GSE1: variants seen among roughly 807,000 people sequenced by gnomAD.
GSE1 encodes the protein Gse1 coiled-coil protein.
In GSE1, 32 loss-of-function variants were observed where a neutral mutation model predicts 112.6. The observed-to-expected ratio is 0.28, with a 90% CI of 0.21 to 0.38. GSE1 has a LOEUF of 0.38. Ranked by LOEUF, GSE1 falls within the 10% of genes least tolerant of loss-of-function variation. The pLI is 1.00. For missense variants in GSE1, 2,348 were observed against 1,699.2 expected, an observed-to-expected ratio of 1.38 and a Z score of -6.71; for synonymous variants, 1,115 against 735.6, an observed-to-expected ratio of 1.52 and a Z score of -8.35.
intron 1 of GSE1, among the ~76,000 whole-genome samples, chr16:85,268,897 T>C (rs1217694767): frequency 2.4e-5 from 3 of 125,902 alleles, no homozygotes; most frequent in Non-Finnish European, 5.9e-5. Flanking sequence ...GACCCATTTC[T>C]ACTTGAGGGG....
rs117580131 is a variant in GSE1, at chr16:85,618,312, C to T, written c.7+4914C>T. On this transcript the variant is annotated intron_variant, in intron 1 of 15. Coordinates refer to ENST00000253458, the MANE Select transcript of GSE1 (RefSeq NM_014615.5). ...TCTGTAAGACGAGGATGCAGAGGCC[C>T]TCTGGCAGTTGAGGGTGAGGATGAG... Among the ~76,000 whole-genome samples, 44 of 152,290 alleles carry T rather than the reference C, an allele frequency of 2.9e-4. No homozygotes were observed. In the East Asian group the frequency reaches 7.2e-3, roughly 25 times the overall value.
intron 1 of GSE1, among the ~76,000 whole-genome samples, chr16:85,230,418 C>G (rs578204776): frequency 6.6e-6 from 1 of 152,230 alleles, no homozygotes; most frequent in East Asian, 1.9e-4. Context: ...TGACGCAAAC[C>G]CAACTCAGAC....
chr16:85,673,266 G>C lies in GSE1; in HGVS notation c.*727G>C, dbSNP rs367964830. The C allele has an allele frequency of 2.0e-5, 3 of 152,582 alleles. No individual in the cohort carries two copies. Among genetic ancestry groups the C allele is most frequent in the Non-Finnish European group, 2.9e-5 (2 of 68,008 alleles). The allele number at this position is 152,582 out of a possible 1,614,324, so 9.5% of individuals were successfully genotyped here. ...ACCAGATTGTTACTACAGTGGGTTGGGTTTTCATACAGACGTAAATTTTGA... is the reference window on the plus strand; with the variant it reads ...ACCAGATTGTTACTACAGTGGGTTGCGTTTTCATACAGACGTAAATTTTGA... On this transcript the variant is annotated 3_prime_UTR_variant, in exon 16 of 16. Transcript: ENST00000253458.
chr16:85,659,983 C>A (rs538530167), intron 8 of GSE1, among the ~76,000 whole-genome samples: 12 of 152,346 alleles, frequency 7.9e-5, no homozygotes, highest in African/African-American at 2.9e-4. Flanking sequence ...ATCTTCATTT[C>A]ACAGTGGGTT....
At chr16:85,329,276 G>C (rs1443621007) in intron 1 of GSE1, among the ~76,000 whole-genome samples, 1 of 152,194 alleles carries the variant, frequency 6.6e-6, no homozygotes, top group African/African-American at 2.4e-5. Context: ...GCTGCCTCCA[G>C]GGCTGGTGTG....
At chr16:85,607,232 G>A (rs918060012), upstream of GSE1, among the ~76,000 whole-genome samples, 2 of 152,130 alleles carry the variant, frequency 1.3e-5, no homozygotes, top group African/African-American at 2.4e-5. Flanking sequence ...GGGGTCACCC[G>A]TTTCAGGTTT....
At chr16:85,566,284 G>A (rs1329032643) in intron 1 of GSE1, among the ~76,000 whole-genome samples, 1 of 152,232 alleles carries the variant, frequency 6.6e-6, no homozygotes, top group Non-Finnish European at 1.5e-5. Context: ...CAGTGGGCTG[G>A]GCAGGGAGGG....
At position 85,297,900 on chromosome 16, in the gene GSE1, G is replaced by T. The variant is rs187490459; in HGVS notation, c.2284-59563G>T. Among the ~76,000 whole-genome samples, 249 of 152,314 alleles carry T rather than the reference G, an allele frequency of 1.6e-3. 1 individual carries two copies. The highest frequency in any genetic ancestry group is 5.6e-3 in the African/African-American group (234 of 41,564). Reference sequence around the variant, plus strand: ...GGCCTGCAGAACTTATTTTCAGGGTGCCGTGGAACTTGATTTTAGTCCCTG... The same window carrying T: ...GGCCTGCAGAACTTATTTTCAGGGTTCCGTGGAACTTGATTTTAGTCCCTG... On this transcript the variant is annotated intron_variant, in intron 1 of 2. Coordinates refer to the GSE1 transcript ENST00000637419.
intron 1 of GSE1, among the ~76,000 whole-genome samples, chr16:85,308,742 T>C (rs186813943): frequency 6.6e-6 from 1 of 151,908 alleles, no homozygotes; most frequent in East Asian, 1.9e-4. Flanking sequence ...GACAGCTGTT[T>C]CCTTCCTTTC....
At chr16:85,537,338 C>A (rs992734308) in intron 2 of GSE1, among the ~76,000 whole-genome samples, 1 of 152,128 alleles carries the variant, frequency 6.6e-6, no homozygotes, top group Non-Finnish European at 1.5e-5. Context: ...GGAGAGAGGG[C>A]GGGACAGTGG....
intron 2 of GSE1, among the ~76,000 whole-genome samples, chr16:85,485,024 G>C (rs1260555287): frequency 6.6e-6 from 1 of 152,234 alleles, no homozygotes; most frequent in Admixed American, 6.5e-5. Flanking sequence ...CAGGCCCTGG[G>C]GACCCAACAG....
chr16:85,199,652 GTTTGCAGCTCT>G (rs947426101), intron 1 of GSE1, among the ~76,000 whole-genome samples: 1 of 152,164 alleles, frequency 6.6e-6, no homozygotes, highest in Non-Finnish European at 1.5e-5. Context: ...GGAACACCGA[GTTTGCAGCTCT>G]TCCCTTTTTT....
At chr16:85,418,624 G>T (rs983168056) in intron 2 of GSE1, among the ~76,000 whole-genome samples, 1 of 152,188 alleles carries the variant, frequency 6.6e-6, no homozygotes. Flanking sequence ...TCTGTGGGAC[G>T]TTGGGGACAG....
chr16:85,662,669 T>A, intron 9 of GSE1: 1 of 344,916 alleles, frequency 2.9e-6, no homozygotes, highest in Non-Finnish European at 5.3e-6. Flanking sequence ...TGTGTTGCCG[T>A]GGACACAGCC....
intron 2 of GSE1, among the ~76,000 whole-genome samples, chr16:85,534,716 G>C (rs943797594): frequency 2.0e-5 from 3 of 152,190 alleles, no homozygotes; most frequent in Non-Finnish European, 4.4e-5. Context: ...CCCTCCCGTC[G>C]CTTCTTTTGG....
chr16:85,240,438 C>A (rs1487346523), intron 1 of GSE1, among the ~76,000 whole-genome samples: 1 of 152,242 alleles, frequency 6.6e-6, no homozygotes, highest in African/African-American at 2.4e-5. Context: ...GCACTTCCGA[C>A]CCCTGCATTC....
chr16:85,341,162 G>C (rs78473945), intron 1 of GSE1, among the ~76,000 whole-genome samples: 1 of 151,926 alleles, frequency 6.6e-6, no homozygotes, highest in Non-Finnish European at 1.5e-5. Flanking sequence ...AAGAACATGC[G>C]AGTTTTTCTA....
At chr16:85,408,944 G>GC (rs1555582060) in intron 2 of GSE1, among the ~76,000 whole-genome samples, 10 of 5,318 alleles carry the variant, frequency 1.9e-3, no homozygotes, top group African/African-American at 3.4e-3. Context: ...TTACACTCAG[G>GC]CCCCCTGGAT....
intron 2 of GSE1, among the ~76,000 whole-genome samples, chr16:85,392,028 G>T (rs2047850358): frequency 6.6e-6 from 1 of 152,054 alleles, no homozygotes. Flanking sequence ...TCTCCTAGGG[G>T]CCCCAGCTGG....
Sources: gnomAD v4.1 joint callset for allele counts (sites outside exome capture counted in the v4.1 genomes callset) on GRCh38, gnomAD v4.1.1 for gene constraint, MANE v1.5 for transcripts, NCBI Gene and HGNC (gene_info 2026-07-23, HGNC 2026-07-21) for gene names.